SYNPR: variants seen among roughly 807,000 people sequenced by gnomAD.
The protein encoded by SYNPR is synaptoporin.
In SYNPR, 23 loss-of-function variants were observed where a neutral mutation model predicts 32.9. The observed-to-expected ratio is 0.70, with a 90% CI of 0.50 to 0.99. SYNPR has a LOEUF of 0.99. Among genes scored for constraint, SYNPR ranks in the 50% least tolerant of loss-of-function variants. The pLI is 0.00. For missense variants in SYNPR, 318 were observed against 349.3 expected, an observed-to-expected ratio of 0.91 and a Z score of 0.71; for synonymous variants, 146 against 135.9, an observed-to-expected ratio of 1.07 and a Z score of -0.52.
chr3:63,388,210 A>C (rs904197751), intron 2 of SYNPR, among the ~76,000 whole-genome samples: 23 of 152,030 alleles, frequency 1.5e-4, no homozygotes, highest in African/African-American at 5.6e-4. Context: ...GAAGGAGCTG[A>C]TGGCAGAGCA....
intron 3 of SYNPR, among the ~76,000 whole-genome samples, chr3:63,484,892 C>T (rs9829035): frequency 0.69 from 105,547 of 152,032 alleles, 37,752 homozygotes; most frequent in African/African-American, 0.88. Context: ...AGAAAGGCCA[C>T]TTTTTTCCCT....
intron 2 of SYNPR, among the ~76,000 whole-genome samples, chr3:63,373,164 CCA>C (rs2087842665): frequency 6.6e-6 from 1 of 152,118 alleles, no homozygotes; most frequent in Non-Finnish European, 1.5e-5. Context: ...GCTCAAAAAG[CCA>C]GAGTGTCTTC....
At chr3:63,314,933 T>G (rs2367791) in intron 2 of SYNPR, among the ~76,000 whole-genome samples, 68,820 of 151,734 alleles carry the variant, frequency 0.45, 15,756 homozygotes, top group Middle Eastern at 0.53. Context: ...TGAATGTCCA[T>G]TTTCATTCTC....
intron 2 of SYNPR, among the ~76,000 whole-genome samples, chr3:63,403,555 T>A (rs2088321452): frequency 6.6e-6 from 1 of 151,992 alleles, no homozygotes; most frequent in Admixed American, 6.6e-5. Flanking sequence ...CCATCCTCAT[T>A]TAACAGATGA....
intron 2 of SYNPR, among the ~76,000 whole-genome samples, chr3:63,398,714 G>C (rs113682933): frequency 7.7e-6 from 1 of 130,632 alleles, no homozygotes; most frequent in East Asian, 2.1e-4. Context: ...GCGAGACTCC[G>C]TCTCAAAAAA....
intron 3 of SYNPR, among the ~76,000 whole-genome samples, chr3:63,536,889 A>C (rs150372948): frequency 6.6e-6 from 1 of 152,190 alleles, no homozygotes; most frequent in Non-Finnish European, 1.5e-5. Flanking sequence ...TAAAATTTTC[A>C]GAATATGCAA....
At chr3:63,249,271 T>A (rs1459849174) in intron 1 of SYNPR, among the ~76,000 whole-genome samples, 1 of 151,966 alleles carries the variant, frequency 6.6e-6, no homozygotes, top group Non-Finnish European at 1.5e-5. Flanking sequence ...GTGAAAGAAG[T>A]TTAAATATGT....
intron 2 of SYNPR, among the ~76,000 whole-genome samples, chr3:63,334,661 A>G (rs567876008): frequency 6.6e-6 from 1 of 152,198 alleles, no homozygotes; most frequent in East Asian, 1.9e-4. Flanking sequence ...CTTCTCCTAC[A>G]TCTGGAAACT....
the SYNPR span, among the ~76,000 whole-genome samples, chr3:63,208,314 C>T: frequency 6.6e-6 from 1 of 152,144 alleles, no homozygotes; most frequent in African/African-American, 2.4e-5. Context: ...ATTAACTGCT[C>T]TGCCTCCTGA....
At chr3:63,285,720 T>C (rs2086674158) in intron 2 of SYNPR, among the ~76,000 whole-genome samples, 1 of 152,198 alleles carries the variant, frequency 6.6e-6, no homozygotes, top group African/African-American at 2.4e-5. Context: ...GGAATGCTTC[T>C]TATGGATTTG....
upstream of SYNPR, among the ~76,000 whole-genome samples, chr3:63,223,755 G>C (rs150934030): frequency 4.6e-5 from 7 of 152,046 alleles, no homozygotes; most frequent in Admixed American, 1.3e-4. Context: ...TATTCCCATA[G>C]CACCATATTT....
At chr3:63,440,031 A>G (rs1389234116) in intron 2 of SYNPR, among the ~76,000 whole-genome samples, 6 of 152,256 alleles carry the variant, frequency 3.9e-5, no homozygotes, top group Non-Finnish European at 8.8e-5. Flanking sequence ...AGTCAATAAT[A>G]AATGAACAAA....
the SYNPR span, among the ~76,000 whole-genome samples, chr3:63,211,657 A>C: frequency 6.6e-6 from 1 of 152,068 alleles, no homozygotes; most frequent in Non-Finnish European, 1.5e-5. Context: ...CAGGGTCTGT[A>C]ATGAAGCACT....
intron 4 of SYNPR, among the ~76,000 whole-genome samples, chr3:63,606,924 G>A (rs1700131425): frequency 6.6e-6 from 1 of 152,096 alleles, no homozygotes; most frequent in African/African-American, 2.4e-5. Context: ...AGGATTAAAT[G>A]AGTCAAAACA....
chr3:63,358,260 G>A (rs1287884464), intron 2 of SYNPR, among the ~76,000 whole-genome samples: 2 of 152,214 alleles, frequency 1.3e-5, no homozygotes, highest in Non-Finnish European at 2.9e-5. Flanking sequence ...ATCCTAAAAT[G>A]CAGGTGTTCA....
intron 2 of SYNPR, among the ~76,000 whole-genome samples, chr3:63,256,615 G>C (rs1416012851): frequency 2.0e-5 from 3 of 152,294 alleles, no homozygotes; most frequent in African/African-American, 7.2e-5. Context: ...CACAAAGATG[G>C]AGAAAAAACA....
At chr3:63,355,600 G>T (rs2087566400) in intron 2 of SYNPR, among the ~76,000 whole-genome samples, 1 of 152,142 alleles carries the variant, frequency 6.6e-6, no homozygotes, top group African/African-American at 2.4e-5. Flanking sequence ...AAATCTTAAA[G>T]GTTCTGAATC....
chr3:63,365,660 A>G (rs1388142512), intron 2 of SYNPR, among the ~76,000 whole-genome samples: 1 of 152,238 alleles, frequency 6.6e-6, no homozygotes, highest in Non-Finnish European at 1.5e-5. Context: ...AAAGAAATAT[A>G]TTCAGTTCTC....
chr3:63,256,090 G>C (rs574064143), intron 2 of SYNPR, among the ~76,000 whole-genome samples: 1 of 152,136 alleles, frequency 6.6e-6, no homozygotes, highest in African/African-American at 2.4e-5. Context: ...ACTGGGTGGA[G>C]CCCACCGCAG....
Sources: allele counts gnomAD v4.1 joint callset (sites outside exome capture counted in the v4.1 genomes callset), GRCh38; gene constraint gnomAD v4.1.1; transcripts MANE v1.5; gene names NCBI Gene and HGNC (gene_info 2026-07-23, HGNC 2026-07-21).